The following CFAP410 variants were observed in gnomAD, a reference collection of about 807,000 sequenced individuals.
CFAP410 encodes the protein cilia and flagella associated protein 410.
In CFAP410, 27 loss-of-function variants were observed where a neutral mutation model predicts 25.7. The observed-to-expected ratio is 1.05, with a 90% confidence interval of 0.77 to 1.45. The LOEUF is 1.45. Ranked by LOEUF, CFAP410 falls within the 40% of genes most tolerant of loss-of-function variation. CFAP410 has a pLI of 0.00. For synonymous variants in CFAP410, 178 were observed against 158.4 expected (o/e 1.12, Z -0.93); for missense variants, 428 against 354.1 (o/e 1.21, Z -1.67).
At chr21:44,335,836 G>A (rs1027355126) in intron 2 of CFAP410, 32 bp from the exon 3 acceptor site, 3 of 1,533,512 alleles carry the variant, frequency 2.0e-6, no homozygotes, top group East Asian at 2.4e-5. Context: ...TAGCAAGCAT[G>A]GCACAGCAGG....
chr21:44,337,381 T>A (rs2047775801), intron 2 of CFAP410, among the ~76,000 whole-genome samples: 1 of 152,184 alleles, frequency 6.6e-6, no homozygotes, highest in Non-Finnish European at 1.5e-5. Flanking sequence ...ATTGCTCCCC[T>A]CCTCTGCGAC....
At chr21:44,334,661 G>A (rs1210944143) in intron 3 of CFAP410, 1 of 269,138 alleles carries the variant, frequency 3.7e-6, no homozygotes, top group African/African-American at 2.3e-5. Flanking sequence ...CTGAGGCACA[G>A]AGAGGGCCAT....
At chr21:44,338,369 C>T (rs1365891311) in intron 1 of CFAP410, 1 of 1,207,572 alleles carries the variant, frequency 8.3e-7, no homozygotes, top group Admixed American at 2.3e-5. Flanking sequence ...ATCTTGCAGG[C>T]CTCAACTCCA....
chr21:44,336,654 T>C (rs1330622838), intron 2 of CFAP410, among the ~76,000 whole-genome samples: 1 of 152,194 alleles, frequency 6.6e-6, no homozygotes, highest in Non-Finnish European at 1.5e-5. Context: ...ATGGTACGTT[T>C]GTATATTCAC....
intron 5 of CFAP410, chr21:44,331,606 C>T: frequency 1.9e-6 from 1 of 530,310 alleles, no homozygotes; most frequent in Non-Finnish European, 3.3e-6. Flanking sequence ...TGGCTCACCC[C>T]CTCTCCTGCT....
At position 44,333,433 on chromosome 21, in the gene CFAP410, G is replaced by A. The variant is rs1288118897; in HGVS notation, c.144-171C>T. On this transcript the variant is annotated intron_variant, in intron 3 of 6. Transcript: ENST00000339818. ...TGCAGCAGGACCTGGGCCGAGGAGA[G>A]AGCTGTAGGAAGGCCAGGCCCTGAA... The A allele has an allele frequency of 4.9e-6, 3 of 618,268 alleles. No individual in the cohort carries two copies. In the East Asian group the frequency reaches 8.2e-5, roughly 17 times the overall value. The allele number at this position is 618,268 out of a possible 1,614,324, so 38.3% of individuals were successfully genotyped here.
chr21:44,339,299 G>T lies in CFAP410; in HGVS notation c.-105C>A. On this transcript the variant is annotated 5_prime_UTR_variant, in exon 1 of 7. Transcript: ENST00000339818. ...CAGGGGCGGGGCCCGCGTCGTCAGGGGCGGATCCTGAGCCGATTGGCGGCT... is the reference window on the plus strand; with the variant it reads ...CAGGGGCGGGGCCCGCGTCGTCAGGTGCGGATCCTGAGCCGATTGGCGGCT... The T allele has an allele frequency of 1.5e-6, 1 of 680,468 alleles. No individual in the cohort carries two copies. Among genetic ancestry groups the T allele is most frequent in the Non-Finnish European group, 2.2e-6 (1 of 455,006 alleles). The allele number at this position is 680,468 out of a possible 1,614,324, so 42.2% of individuals were successfully genotyped here. A position where few individuals can be genotyped will look rare whatever the true frequency, so the allele number is the denominator to read the frequency against.
chr21:44,330,482 G>T (rs771057153), intron 6 of CFAP410, 156 bp from the exon 7 acceptor site: 11 of 1,538,246 alleles, frequency 7.2e-6, no homozygotes, highest in Non-Finnish European at 9.7e-6. Flanking sequence ...CGGAGAATCT[G>T]AGCAGAGGAG....
At position 44,333,407 on chromosome 21, in the gene CFAP410, G is replaced by C. The variant is rs377539637; in HGVS notation, c.144-145C>G. 4 of 665,126 alleles carry C rather than the reference G, an allele frequency of 6.0e-6. No individual in the cohort carries two copies. In the Admixed American group the frequency reaches 1.0e-4, roughly 17 times the overall value. The allele number at this position is 665,126 out of a possible 1,614,324, so 41.2% of individuals were successfully genotyped here. On this transcript the variant is annotated intron_variant, in intron 3 of 6. Coordinates refer to ENST00000339818, the MANE Select transcript of CFAP410 (RefSeq NM_004928.3). ...GCCTAAATCGGATGTCACAAGTCAC[G>C]TGCAGCAGGACCTGGGCCGAGGAGA... is the stretch of plus-strand genomic sequence containing the variant.
intron 5 of CFAP410, 135 bp downstream of exon 5, chr21:44,331,708 C>T (rs943384913): frequency 1.4e-4 from 116 of 809,290 alleles, no homozygotes; most frequent in Non-Finnish European, 2.1e-4. Flanking sequence ...TGGATGAGAA[C>T]AGACACTCCC....
intron 3 of CFAP410, chr21:44,333,599 G>A (rs553161917): frequency 9.1e-6 from 4 of 437,364 alleles, no homozygotes; most frequent in Admixed American, 7.8e-5. Flanking sequence ...GCCTCTCAGG[G>A]GACATATCAT....
Position 44,338,950 on chromosome 21 carries a change from GCCCTCTCCCCGCCCCGGCTCCT to G in CFAP410, c.77+146_77+167del, listed in dbSNP as rs1282992504. The stretch of plus-strand genomic sequence containing the variant: ...TCCGCCCTCTCCCCGCCCCGGCTCC[GCCCTCTCCCCGCCCCGGCTCCT>G]CCCTCCGGCTCCGCCCTCGTCCCGC... On this transcript the variant is annotated intron_variant, in intron 1 of 6. Transcript: ENST00000339818. Among the ~76,000 whole-genome samples the G allele has an allele frequency of 1.6e-3, 60 of 37,892 alleles. 1 individual carries two copies. Among genetic ancestry groups the G allele is most frequent in the African/African-American group, 9.4e-3 (54 of 5,754 alleles). The allele number at this position is 37,892 out of a possible 152,430, so 24.9% of individuals were successfully genotyped here.
At chr21:44,332,950 AAGG>A (rs768359834) in intron 4 of CFAP410, 80 bp downstream of exon 4, 8 of 919,440 alleles carry the variant, frequency 8.7e-6, no homozygotes, top group Admixed American at 7.3e-5. Flanking sequence ...ATTTGCAGAA[AAGG>A]AGAAGAGAAA....
chr21:44,339,269 G>A lies in CFAP410; in HGVS notation c.-75C>T, dbSNP rs2047824629. 5 of 950,740 alleles carry A rather than the reference G, an allele frequency of 5.3e-6. No homozygotes were observed. The highest frequency in any genetic ancestry group is 7.3e-6 in the Non-Finnish European group (5 of 686,846). 58.9% of individuals were successfully genotyped at this position (950,740 alleles called of 1,614,324 possible). On this transcript the variant is annotated 5_prime_UTR_variant, in exon 1 of 7. Transcript: ENST00000339818. ...GGCGGGTGACGACTGCGCGGCGCGT[G>A]TCTCCAGGGGCGGGGCCCGCGTCGT...
At chr21:44,338,738 C>T (rs1402794196) in intron 1 of CFAP410, 2 of 148,068 alleles carry the variant, frequency 1.4e-5, no homozygotes, top group Admixed American at 1.4e-4. Flanking sequence ...GCCCTCGCCC[C>T]TGCCCCTCCC....
rs1454450375 is a variant in CFAP410, at chr21:44,329,167, C to G, written c.*1031G>C. On this transcript the variant is annotated 3_prime_UTR_variant, in exon 7 of 7. Transcript: ENST00000339818. ...CCCAAGTCCGGCGACAGTGGCTGCCCCAGTGCTGCAGCTGGCTCTGGTGAC... is the reference window on the plus strand; with the variant it reads ...CCCAAGTCCGGCGACAGTGGCTGCCGCAGTGCTGCAGCTGGCTCTGGTGAC... 2 of 152,418 alleles carry G rather than the reference C, an allele frequency of 1.3e-5. No individual in the cohort carries two copies. Among genetic ancestry groups the G allele is most frequent in the African/African-American group, 4.8e-5 (2 of 41,472 alleles). 9.4% of individuals were successfully genotyped at this position (152,418 alleles called of 1,614,324 possible). A position where few individuals can be genotyped will look rare whatever the true frequency, so the allele number is the denominator to read the frequency against.
At chr21:44,331,474 T>C in intron 5 of CFAP410, 1 of 300,996 alleles carries the variant, frequency 3.3e-6, no homozygotes, top group Non-Finnish European at 6.2e-6. Context: ...ATACGGGCAC[T>C]GATGGCCGTG....
chr21:44,330,693 C>G, intron 6 of CFAP410, 130 bp downstream of exon 6: 1 of 1,550,358 alleles, frequency 6.5e-7, no homozygotes, highest in Non-Finnish European at 8.7e-7. Context: ...CACAGCTCTT[C>G]AAGGCCCTGT....
At chr21:44,335,362 A>G (rs2047732367) in intron 3 of CFAP410, 1 of 256,708 alleles carries the variant, frequency 3.9e-6, no homozygotes, top group Admixed American at 5.0e-5. Context: ...AGAGGCCAGG[A>G]CTCTGGGGGT....
Sources: allele counts gnomAD v4.1 joint callset (sites outside exome capture counted in the v4.1 genomes callset), GRCh38; gene constraint gnomAD v4.1.1; transcripts MANE v1.5; gene names NCBI Gene and HGNC (gene_info 2026-07-23, HGNC 2026-07-21).